The following MEGF11 variants were observed in gnomAD, a reference collection of about 807,000 sequenced individuals.
MEGF11 encodes multiple EGF like domains 11.
In MEGF11, 126 loss-of-function variants were observed where a neutral mutation model predicts 146.6. The observed-to-expected ratio is 0.86, with a 90% confidence interval of 0.74 to 1.00. MEGF11 has a LOEUF of 1.00. Among genes scored for constraint, MEGF11 ranks in the 50% least tolerant of loss-of-function variants. The pLI, the probability that MEGF11 is intolerant of heterozygous loss-of-function variation, is 0.00. For synonymous variants in MEGF11, 532 were observed against 583.4 expected (o/e 0.91, Z 1.27); for missense variants, 1,509 against 1,521.2 (o/e 0.99, Z 0.13).
At chr15:66,162,855 GA>G (rs1364430274) in intron 1 of MEGF11, among the ~76,000 whole-genome samples, 1 of 146,514 alleles carries the variant, frequency 6.8e-6, no homozygotes. Context: ...AAATGAGAGA[GA>G]AAAAAAAGAA....
chr15:66,094,544 C>G, intron 4 of MEGF11, 50 bp from the exon 5 acceptor site: 1 of 1,470,484 alleles, frequency 6.8e-7, no homozygotes, highest in Non-Finnish European at 9.3e-7. Flanking sequence ...ACAGTGAAAA[C>G]CAACCATCTG....
intron 5 of MEGF11, among the ~76,000 whole-genome samples, chr15:65,988,173 A>G (rs1033136766): frequency 1.3e-5 from 2 of 151,356 alleles, no homozygotes; most frequent in Non-Finnish European, 2.9e-5. Flanking sequence ...ACACTCAGCT[A>G]ATTTTCCTAT....
chr15:66,095,486 C>T (rs539181794), intron 4 of MEGF11, among the ~76,000 whole-genome samples: 3 of 152,338 alleles, frequency 2.0e-5, no homozygotes, highest in Admixed American at 6.5e-5. Context: ...TCTCTCTGCC[C>T]AGTACTGGCC....
intron 1 of MEGF11, among the ~76,000 whole-genome samples, chr15:66,154,986 A>G (rs1292495880): frequency 6.6e-6 from 1 of 152,250 alleles, no homozygotes; most frequent in African/African-American, 2.4e-5. Context: ...GATTCCCTTC[A>G]GGGGAAACTG....
At chr15:65,912,017 TGGGCAGAGGTGAGGGTTAAATGAGA>T (rs1202011823) in intron 21 of MEGF11, 40 bp downstream of exon 21, 2 of 961,258 alleles carry the variant, frequency 2.1e-6, no homozygotes, top group Non-Finnish European at 2.7e-6. Flanking sequence ...AGTTCCTTCC[TGGGCAGAGGTGAGGGTTAAATGAGA>T]GGGCAGTGAG....
Position 65,909,102 on chromosome 15 carries a change from C to G in MEGF11, c.2930G>C (p.Arg977Thr). The G allele has an allele frequency of 6.5e-7, 1 of 1,535,836 alleles. No homozygotes were observed. Among genetic ancestry groups the G allele is most frequent in the Non-Finnish European group, 8.7e-7 (1 of 1,146,748 alleles). Residue 977 changes from arginine to threonine, a missense_variant, in exon 23 of 26, where the codon AGG (arginine) becomes ACG (threonine). Coordinates refer to ENST00000395614, the MANE Select transcript of MEGF11 (RefSeq NM_001385028.1). ...SHFQISALEA[R>T]YPPEDFYIEL... ...AATGTAGAAGTCCTCGGGCGGGTAC[C>G]TGGCCTCCAGGGCACTGATCTGGAA...
At chr15:66,107,419 C>G (rs2087146303) in intron 4 of MEGF11, among the ~76,000 whole-genome samples, 2 of 152,186 alleles carry the variant, frequency 1.3e-5, no homozygotes, top group South Asian at 4.1e-4. Flanking sequence ...GAGGAAGGCG[C>G]TCAGCAAACC....
At chr15:66,232,421 CA>C (rs1265295577) in intron 1 of MEGF11, among the ~76,000 whole-genome samples, 1 of 152,198 alleles carries the variant, frequency 6.6e-6, no homozygotes, top group Non-Finnish European at 1.5e-5. Flanking sequence ...AGAGACTCAG[CA>C]TTCCAAGTCC....
At chr15:66,192,852 C>T (rs184209167) in intron 1 of MEGF11, among the ~76,000 whole-genome samples, 15 of 152,316 alleles carry the variant, frequency 9.8e-5, no homozygotes, top group Non-Finnish European at 1.5e-4. Context: ...ATTTTGCCTC[C>T]GTCTGTGATG....
At chr15:65,906,339 A>G (rs554147059) in intron 23 of MEGF11, among the ~76,000 whole-genome samples, 198 bp from the exon 24 acceptor site, 2 of 151,976 alleles carry the variant, frequency 1.3e-5, no homozygotes, top group South Asian at 4.1e-4. Context: ...GGTTTAATCC[A>G]TCTGAAATTG....
intron 5 of MEGF11, among the ~76,000 whole-genome samples, chr15:66,017,837 G>A (rs2082946873): frequency 6.6e-6 from 1 of 152,238 alleles, no homozygotes; most frequent in South Asian, 2.1e-4. Context: ...TGATTTGTCA[G>A]GCAGCCTGTA....
intron 10 of MEGF11, among the ~76,000 whole-genome samples, chr15:65,947,252 G>GGTGGCTA (rs1157133342): frequency 1.3e-5 from 2 of 152,138 alleles, no homozygotes; most frequent in Non-Finnish European, 2.9e-5. Flanking sequence ...CTAAGGGAGA[G>GGTGGCTA]GTGGCTGGGA....
chr15:66,110,537 C>T (rs374176762), intron 4 of MEGF11, among the ~76,000 whole-genome samples: 4 of 152,182 alleles, frequency 2.6e-5, no homozygotes, highest in East Asian at 1.9e-4. Context: ...GCATCTCTCC[C>T]GCTAGACCAT....
At chr15:66,041,473 A>G (rs1182581401) in intron 5 of MEGF11, among the ~76,000 whole-genome samples, 1 of 152,222 alleles carries the variant, frequency 6.6e-6, no homozygotes, top group African/African-American at 2.4e-5. Context: ...GCCCCCATGC[A>G]CGGAGGGTCG....
At position 65,916,169 on chromosome 15, in the gene MEGF11, T is replaced by C; in HGVS notation, c.2323A>G (p.Thr775Ala). ...TTACTCTGCTCACAGTGTTGCCCGG[T>C]GAAGCCTGTGCGGCAGGTGCACTTG... ...SGKCTCRTGF[T>A]GQHCEQRCAP... The change falls in exon 18 of 26, where the codon ACC becomes GCC. Residue 775 changes from threonine to alanine, a missense_variant. Physicochemically the swap from Thr to Ala is moderately conservative, Grantham distance 58. Coordinates refer to ENST00000395614, the MANE Select transcript of MEGF11 (RefSeq NM_001385028.1). 1.3e-6 allele frequency: 2 copies of C among 1,590,394 alleles called. No homozygotes were observed. The highest frequency in any genetic ancestry group is 8.6e-7 in the Non-Finnish European group (1 of 1,168,142).
chr15:66,038,413 C>T (rs2083808603), intron 5 of MEGF11, among the ~76,000 whole-genome samples: 2 of 152,120 alleles, frequency 1.3e-5, no homozygotes, highest in African/African-American at 2.4e-5. Context: ...GTTAAGGGAG[C>T]GATGCCCTAA....
At chr15:66,154,595 G>A (rs914584315) in intron 1 of MEGF11, among the ~76,000 whole-genome samples, 1 of 152,222 alleles carries the variant, frequency 6.6e-6, no homozygotes, top group African/African-American at 2.4e-5. Flanking sequence ...TACTGGGATT[G>A]TATTTATTTT....
rs757871149 is a variant in MEGF11, at chr15:65,913,791, G to C, written c.2656C>G (p.Arg886Gly). 1 of 1,613,702 alleles carries C rather than the reference G, an allele frequency of 6.2e-7. No individual in the cohort carries two copies. Among genetic ancestry groups the C allele is most frequent in the East Asian group, 2.2e-5 (1 of 44,866 alleles). ...CTCATGGCAGGTGTGTAGGAGACAC[G>C]GGGAGCCAGGTCTCGGCCCTTCTCT... ...QKEKGRDLAPRVSYTPAMRMT... is the reference protein window; with the variant it reads ...QKEKGRDLAPGVSYTPAMRMT... The change falls in exon 20 of 26, where the codon CGT becomes GGT. Residue 886 changes from arginine (R) to glycine (G), a missense_variant. Arg to Gly is a moderately radical substitution (Grantham distance 125). Transcript: ENST00000395614.
At chr15:66,246,719 G>A (rs2092301170) in intron 1 of MEGF11, among the ~76,000 whole-genome samples, 1 of 152,128 alleles carries the variant, frequency 6.6e-6, no homozygotes, top group Non-Finnish European at 1.5e-5. Flanking sequence ...GCTTAGGTGG[G>A]AGAATCGTTT....
Sources: allele counts gnomAD v4.1 joint callset (sites outside exome capture counted in the v4.1 genomes callset), GRCh38; gene constraint gnomAD v4.1.1; transcripts MANE v1.5; gene names NCBI Gene and HGNC (gene_info 2026-07-23, HGNC 2026-07-21).